The following MYO5B variants were observed in gnomAD, a reference collection of about 807,000 sequenced individuals.
The protein encoded by MYO5B is unconventional myosin-Vb.
In MYO5B, 143 loss-of-function variants were observed where a neutral mutation model predicts 229.3. That is an observed-to-expected ratio of 0.62 (90% confidence interval 0.54 to 0.72). The LOEUF (loss-of-function observed/expected upper bound fraction) is 0.72. Ranked by LOEUF, MYO5B falls within the 30% of genes least tolerant of loss-of-function variation. The pLI, the probability that MYO5B is intolerant of heterozygous loss-of-function variation, is 0.00. For missense variants in MYO5B, 2,321 were observed against 2,331.0 expected, an observed-to-expected ratio of 1.00 and a Z score of 0.09; for synonymous variants, 918 against 885.2, an observed-to-expected ratio of 1.04 and a Z score of -0.66.
intron 8 of MYO5B, among the ~76,000 whole-genome samples, chr18:49,982,565 TA>T (rs2025827394): frequency 1.3e-5 from 2 of 152,148 alleles, no homozygotes; most frequent in Non-Finnish European, 2.9e-5. Flanking sequence ...GCAAAAAATC[TA>T]AAAACAAAAA....
At chr18:49,863,024 C>G (rs1335678591) in intron 29 of MYO5B, among the ~76,000 whole-genome samples, 1 of 152,038 alleles carries the variant, frequency 6.6e-6, no homozygotes, top group Non-Finnish European at 1.5e-5. Flanking sequence ...GACCTGGGCT[C>G]TAGATGCTGA....
chr18:50,083,560 C>T (rs1472453408), intron 1 of MYO5B, among the ~76,000 whole-genome samples: 1 of 152,192 alleles, frequency 6.6e-6, no homozygotes, highest in Non-Finnish European at 1.5e-5. Flanking sequence ...CCCAAATATA[C>T]ACATTTGTCA....
At chr18:49,866,505 CA>C (rs1298471788) in intron 27 of MYO5B, among the ~76,000 whole-genome samples, 1 of 152,214 alleles carries the variant, frequency 6.6e-6, no homozygotes, top group Non-Finnish European at 1.5e-5. Context: ...ACTAACTCCC[CA>C]TCCCCGCTCC....
intron 17 of MYO5B, among the ~76,000 whole-genome samples, chr18:49,919,306 C>G (rs1215604957): frequency 2.0e-5 from 3 of 150,464 alleles, no homozygotes; most frequent in African/African-American, 7.5e-5. Context: ...TAATGCACAA[C>G]CAAAGAAATA....
intron 30 of MYO5B, among the ~76,000 whole-genome samples, chr18:49,856,567 C>A (rs1388734912): frequency 6.6e-6 from 1 of 152,218 alleles, no homozygotes; most frequent in Non-Finnish European, 1.5e-5. Context: ...ACCTATAGAA[C>A]AAGTAGGCTG....
chr18:50,120,346 T>C (rs976739558), intron 1 of MYO5B, among the ~76,000 whole-genome samples: 5 of 152,254 alleles, frequency 3.3e-5, no homozygotes, highest in Non-Finnish European at 5.9e-5. Context: ...ATCTGTCTTC[T>C]GAACCCCTTG....
chr18:49,885,754 G>A (rs1366133515), intron 22 of MYO5B, among the ~76,000 whole-genome samples: 1 of 152,106 alleles, frequency 6.6e-6, no homozygotes, highest in African/African-American at 2.4e-5. Context: ...TGGGGTCACT[G>A]GCTCTCCCCA....
intron 4 of MYO5B, among the ~76,000 whole-genome samples, chr18:50,014,306 T>C (rs1336765882): frequency 1.4e-5 from 2 of 145,656 alleles, no homozygotes; most frequent in Non-Finnish European, 3.0e-5. Flanking sequence ...ACTACGGGTA[T>C]GGTTAACTTA....
At chr18:50,096,831 AG>A (rs1361501247) in intron 1 of MYO5B, among the ~76,000 whole-genome samples, 12 of 152,064 alleles carry the variant, frequency 7.9e-5, no homozygotes, top group African/African-American at 2.9e-4. Flanking sequence ...GGAGCTCCCT[AG>A]GTCCAACACT....
At chr18:50,136,544 T>C (rs1273144998) in intron 1 of MYO5B, among the ~76,000 whole-genome samples, 1 of 152,108 alleles carries the variant, frequency 6.6e-6, no homozygotes, top group Non-Finnish European at 1.5e-5. Context: ...CAAGGCTTAG[T>C]TCAAAACTGA....
At chr18:49,903,722 T>C (rs2024869209) in intron 20 of MYO5B, among the ~76,000 whole-genome samples, 2 of 152,190 alleles carry the variant, frequency 1.3e-5, no homozygotes, top group Non-Finnish European at 2.9e-5. Flanking sequence ...AGAAAACCAT[T>C]TTAGACATTT....
Position 49,906,475 on chromosome 18 carries a change from C to T in MYO5B, c.2358G>A (p.Arg786=). 6.2e-7 allele frequency: 1 copy of T among 1,614,186 alleles called. No individual in the cohort carries two copies. The highest frequency in any genetic ancestry group is 8.5e-7 in the Non-Finnish European group (1 of 1,180,036). The change falls in exon 19 of 40, where the codon AGG becomes AGA. Residue 786 remains arginine (R), a synonymous_variant. Coordinates refer to ENST00000285039, the MANE Select transcript of MYO5B (RefSeq NM_001080467.3). The part of the protein sequence containing the change: ...RGWLQKVKYH[R]LKGATLTLQR... ...GCAGGGTTAAGGTAGCCCCCTTCAG[C>T]CTGTGATATTTCACCTTCTGCAGCC...
At chr18:50,057,925 T>C in intron 1 of MYO5B, among the ~76,000 whole-genome samples, 1 of 152,302 alleles carries the variant, frequency 6.6e-6, no homozygotes, top group Non-Finnish European at 1.5e-5. Context: ...CACTCTCCCC[T>C]GCCTTTGAGA....
intron 8 of MYO5B, among the ~76,000 whole-genome samples, chr18:49,981,851 A>C (rs1480196008): frequency 6.6e-6 from 1 of 152,198 alleles, no homozygotes; most frequent in African/African-American, 2.4e-5. Flanking sequence ...AACTGAATAC[A>C]CCTGGTGAAA....
chr18:50,086,787 C>G (rs1257019140), intron 1 of MYO5B, among the ~76,000 whole-genome samples: 2 of 152,132 alleles, frequency 1.3e-5, no homozygotes, highest in Non-Finnish European at 2.9e-5. Context: ...CTTCTGCTTA[C>G]AGGCGGAGGG....
rs116328115 is a variant in MYO5B at position 50,127,192 on chromosome 18, G to A, written c.27+67575C>T. 1.3e-3 allele frequency among the ~76,000 whole-genome samples: 201 copies of A among 152,230 alleles called. 2 individuals carry two copies. The highest frequency in any genetic ancestry group is 4.6e-3 in the African/African-American group (192 of 41,536). ...CTTCCCACCACACTGTGGCACTTAC[G>A]ATAATTCAAAAGCATTTGATGAAAA... On this transcript the variant is annotated intron_variant, in intron 1 of 39. Coordinates refer to ENST00000285039, the MANE Select transcript of MYO5B (RefSeq NM_001080467.3).
intron 1 of MYO5B, among the ~76,000 whole-genome samples, chr18:50,132,658 T>C (rs372049205): frequency 1.2e-4 from 19 of 152,144 alleles, no homozygotes; most frequent in Non-Finnish European, 2.5e-4. Flanking sequence ...GGGAATAGGG[T>C]TGCCTGCTCA....
At chr18:50,072,473 C>T (rs905458705) in intron 1 of MYO5B, among the ~76,000 whole-genome samples, 1 of 152,150 alleles carries the variant, frequency 6.6e-6, no homozygotes, top group African/African-American at 2.4e-5. Flanking sequence ...GGTGTGAACG[C>T]TGGCCCCAAA....
At chr18:50,164,337 C>T (rs568409629) in intron 1 of MYO5B, among the ~76,000 whole-genome samples, 4 of 152,298 alleles carry the variant, frequency 2.6e-5, no homozygotes, top group South Asian at 4.1e-4. Flanking sequence ...CAAGCCATCC[C>T]AACCTGTCTA....
Sources: gnomAD v4.1 joint callset for allele counts (sites outside exome capture counted in the v4.1 genomes callset) on GRCh38, gnomAD v4.1.1 for gene constraint, MANE v1.5 for transcripts, NCBI Gene and HGNC (gene_info 2026-07-23, HGNC 2026-07-21) for gene names.